LRIG1: variants seen among roughly 807,000 people sequenced by gnomAD.
The protein encoded by LRIG1 is leucine-rich repeats and immunoglobulin-like domains protein 1.
Under a neutral mutation model 99.2 loss-of-function variants are expected in LRIG1, and 48 were observed. The observed-to-expected ratio is 0.48, with a 90% CI of 0.38 to 0.62. LRIG1 has a LOEUF of 0.62. LRIG1 is among the 20% of genes least tolerant of loss of function. The probability of loss-of-function intolerance (pLI) is 0.00; values close to 1 mark genes in which losing one functional copy is unlikely to be tolerated. For missense variants in LRIG1, 1,646 were observed against 1,434.4 expected (o/e 1.15, Z -2.38); for synonymous variants, 772 against 596.1 (o/e 1.29, Z -4.30).
In LRIG1 at chr3:66,394,710, A is replaced by G. The variant is rs112636449; in HGVS notation, c.1305-507T>C. ...AGACTTTGATCCAAATTCTGCAACA[A>G]GTTCCGAGGAGGGCTCTTTTGCCTC... On this transcript the variant is annotated intron_variant, in intron 11 of 18. Coordinates refer to ENST00000273261, the MANE Select transcript of LRIG1 (RefSeq NM_015541.3). Among the ~76,000 whole-genome samples, 336 of 152,356 alleles carry G rather than the reference A, an allele frequency of 2.2e-3. 2 individuals are homozygous for G. The highest frequency in any genetic ancestry group is 7.6e-3 in the African/African-American group (318 of 41,578).
intron 3 of LRIG1, among the ~76,000 whole-genome samples, chr3:66,419,818 T>G (rs769514800): frequency 3.9e-5 from 6 of 152,058 alleles, no homozygotes; most frequent in Non-Finnish European, 8.8e-5. Context: ...GCATCCTACC[T>G]TGAAACACCC....
chr3:66,463,023 C>T (rs1700390769), intron 1 of LRIG1, among the ~76,000 whole-genome samples: 1 of 152,104 alleles, frequency 6.6e-6, no homozygotes, highest in Admixed American at 6.6e-5. Flanking sequence ...TTTTGGTTGT[C>T]ACAACTGGTG....
chr3:66,475,794 T>C (rs1432669333), intron 1 of LRIG1, among the ~76,000 whole-genome samples: 2 of 152,144 alleles, frequency 1.3e-5, no homozygotes, highest in Non-Finnish European at 2.9e-5. Flanking sequence ...GAAAAGATCG[T>C]TTATTCCTAG....
intron 4 of LRIG1, among the ~76,000 whole-genome samples, chr3:66,415,320 C>A (rs1329111268): frequency 1.3e-5 from 2 of 152,128 alleles, no homozygotes; most frequent in Non-Finnish European, 2.9e-5. Context: ...TGCTGGGCCA[C>A]CCCAAGAGGG....
intron 3 of LRIG1, among the ~76,000 whole-genome samples, chr3:66,441,781 A>G (rs1327672562): frequency 6.6e-6 from 1 of 152,198 alleles, no homozygotes; most frequent in East Asian, 1.9e-4. Flanking sequence ...CCCAGACCAC[A>G]TACTTCCAAG....
chr3:66,396,003 CAGG>C (rs1217087770), intron 11 of LRIG1, among the ~76,000 whole-genome samples: 4 of 152,270 alleles, frequency 2.6e-5, no homozygotes, highest in Non-Finnish European at 5.9e-5. Flanking sequence ...ATTTGAACCA[CAGG>C]AACAAACGGG....
intron 3 of LRIG1, among the ~76,000 whole-genome samples, chr3:66,419,069 C>T (rs1702715519): frequency 6.6e-6 from 1 of 152,194 alleles, no homozygotes; most frequent in Non-Finnish European, 1.5e-5. Context: ...ATAAAGGCGA[C>T]AGAGCTGAGT....
At chr3:66,405,120 G>A in intron 9 of LRIG1, 78 bp downstream of exon 9, 1 of 1,289,106 alleles carries the variant, frequency 7.8e-7, no homozygotes, top group Non-Finnish European at 1.1e-6. Flanking sequence ...GAGAGGCGCG[G>A]GGGGCGCCAC....
At position 66,500,625 on chromosome 3, in the gene LRIG1, C is replaced by T; in HGVS notation, c.-218G>A. On this transcript the variant is annotated 5_prime_UTR_variant, in exon 1 of 19. Coordinates refer to ENST00000273261, the MANE Select transcript of LRIG1 (RefSeq NM_015541.3). ...CACCCGGCGGGGGCCGCAAACCCCG[C>T]GCCCATCCGGGCCGGCCGGCCCGCC... 1 of 328,226 alleles carries T rather than the reference C, an allele frequency of 3.0e-6. No homozygotes were observed. Among genetic ancestry groups the T allele is most frequent in the African/African-American group, 2.2e-5 (1 of 46,066 alleles). 20.3% of individuals were successfully genotyped at this position (328,226 alleles called of 1,614,324 possible).
intron 1 of LRIG1, chr3:66,468,983 A>G (rs1700537659): frequency 6.6e-6 from 1 of 152,224 alleles, no homozygotes; most frequent in African/African-American, 2.4e-5. Flanking sequence ...AGATGTTCTT[A>G]CCTTTTTTTG....
rs1701345683 is a variant in LRIG1, at chr3:66,500,941, G to C, written c.-534C>G. ...CGCCGCGGCCAGAGAGCGCGCGCGC[G>C]CGCGCAGCCTCGGGTTCCGCACGGC... On this transcript the variant is annotated 5_prime_UTR_variant, in exon 1 of 19. Coordinates refer to ENST00000273261, the MANE Select transcript of LRIG1 (RefSeq NM_015541.3). The C allele has an allele frequency of 6.6e-6, 1 of 151,922 alleles. No individual in the cohort carries two copies. Among genetic ancestry groups the C allele is most frequent in the East Asian group, 2.0e-4 (1 of 5,106 alleles). 9.4% of individuals were successfully genotyped at this position (151,922 alleles called of 1,614,324 possible). A position where few individuals can be genotyped will look rare whatever the true frequency, so the allele number is the denominator to read the frequency against.
At chr3:66,423,999 TTC>T (rs1319627631) in intron 3 of LRIG1, among the ~76,000 whole-genome samples, 1 of 152,230 alleles carries the variant, frequency 6.6e-6, no homozygotes, top group Non-Finnish European at 1.5e-5. Flanking sequence ...TTGTCTACTC[TTC>T]TGACATATTT....
intron 2 of LRIG1, among the ~76,000 whole-genome samples, chr3:66,455,860 C>G (rs1014851386): frequency 2.0e-5 from 3 of 152,084 alleles, no homozygotes; most frequent in Non-Finnish European, 2.9e-5. Context: ...ATTATTTTAG[C>G]GTAGGATATA....
In LRIG1 at chr3:66,383,462, C is replaced by G. The variant is rs547575445; in HGVS notation, c.2072-61G>C. 3 of 1,416,296 alleles carry G rather than the reference C, an allele frequency of 2.1e-6. No individual in the cohort carries two copies. The African/African-American group carries it at 4.3e-5, about 20-fold the overall frequency. 87.7% of individuals were successfully genotyped at this position (1,416,296 alleles called of 1,614,324 possible). On this transcript the variant is annotated intron_variant, in intron 14 of 18. Transcript: ENST00000273261. ...GGGCCTCCGTTGCTCTGGCTCTGCC[C>G]GGTCTTCTGGACAACGGACAATCCA...
chr3:66,494,700 TAAGAA>T (rs1230706646), intron 1 of LRIG1, among the ~76,000 whole-genome samples: 1 of 152,182 alleles, frequency 6.6e-6, no homozygotes, highest in Non-Finnish European at 1.5e-5. Flanking sequence ...AGCCTTTGTA[TAAGAA>T]AAGTTCACAA....
In LRIG1 at chr3:66,461,725, T is replaced by A. The variant is rs115562274; in HGVS notation, c.290+713A>T. The stretch of plus-strand genomic sequence containing the variant: ...CATATATGTGAAGGTTTCTATAAAG[T>A]CTCCATGAAACTAAAATTCCTGATA... On this transcript the variant is annotated intron_variant, in intron 2 of 18. Transcript: ENST00000273261. Among the ~76,000 whole-genome samples, 1,425 of 152,234 alleles carry A rather than the reference T, an allele frequency of 9.4e-3. 13 individuals are homozygous for A. The highest frequency in any genetic ancestry group is 0.016 in the Non-Finnish European group (1,074 of 68,014).
rs118085204 is a variant in LRIG1 at position 66,478,546 on chromosome 3, T to C, written c.219-16037A>G. ...TGCCTTCAGGGAGTCTGCCCTCACA[T>C]TTAAGACTCCAAAGCAATTTCCTCC... is the stretch of plus-strand genomic sequence containing the variant. On this transcript the variant is annotated intron_variant, in intron 1 of 18. Coordinates refer to ENST00000273261, the MANE Select transcript of LRIG1 (RefSeq NM_015541.3). Among the ~76,000 whole-genome samples, 72 of 152,286 alleles carry C rather than the reference T, an allele frequency of 4.7e-4. No individual in the cohort carries two copies. The East Asian group carries it at 0.013, about 27-fold the overall frequency.
At chr3:66,406,729 T>C (rs1055946835) in intron 8 of LRIG1, among the ~76,000 whole-genome samples, 2 of 152,184 alleles carry the variant, frequency 1.3e-5, no homozygotes, top group South Asian at 4.1e-4. Flanking sequence ...GCAGCCACTT[T>C]TGCCAACCCC....
At position 66,398,147 on chromosome 3, in the gene LRIG1, A is replaced by T. The variant is rs757659882; in HGVS notation, c.1269T>A (p.Phe423Leu). The T allele has an allele frequency of 6.2e-7, 1 of 1,614,180 alleles. No homozygotes were observed. The highest frequency in any genetic ancestry group is 2.2e-5 in the East Asian group (1 of 44,886). The part of the protein sequence containing the change: ...LGGNAIRSVQ[F>L]DAFVKMKNLK... ...GATTCTTCATCTTCACAAAGGCATC[A>T]AACTGGACAGATCTGATCGCATTCC... The change falls in exon 11 of 19, where the codon TTT becomes TTA. Residue 423 changes from phenylalanine to leucine, a missense_variant. Transcript: ENST00000273261.
Sources: gnomAD v4.1 joint callset for allele counts (sites outside exome capture counted in the v4.1 genomes callset) on GRCh38, gnomAD v4.1.1 for gene constraint, MANE v1.5 for transcripts, NCBI Gene and HGNC (gene_info 2026-07-23, HGNC 2026-07-21) for gene names.